The following TPX2 variants were observed in gnomAD, a reference collection of about 807,000 sequenced individuals.
TPX2 encodes the protein TPX2 microtubule nucleation factor, also known as targeting protein for Xklp2.
In TPX2, 21 loss-of-function variants were observed where a neutral mutation model predicts 93.6. That is an observed-to-expected ratio of 0.22 (90% CI 0.16 to 0.32). The LOEUF is 0.32. Among genes scored for constraint, TPX2 ranks in the 10% least tolerant of loss-of-function variants. TPX2 has a pLI of 1.00. For missense variants in TPX2, 776 were observed against 871.1 expected, an observed-to-expected ratio of 0.89 and a Z score of 1.37; for synonymous variants, 281 against 298.3, an observed-to-expected ratio of 0.94 and a Z score of 0.60.
chr20:31,787,323 A>C (rs1262420645), intron 12 of TPX2, among the ~76,000 whole-genome samples: 2 of 151,062 alleles, frequency 1.3e-5, no homozygotes, highest in African/African-American at 4.9e-5. Context: ...GAGGTTTCTG[A>C]GTTTGACACT....
chr20:31,757,343 G>A lies in TPX2; in HGVS notation c.-70-64G>A, dbSNP rs45566037. On this transcript the variant is annotated intron_variant, in intron 2 of 17. Coordinates refer to ENST00000300403, the MANE Select transcript of TPX2 (RefSeq NM_012112.5). ...GGTGGTTTGCAAAATTACAAACGTG[G>A]TAGTAAAACCAAAGTAATGATGGGA... 7,604 of 686,930 alleles carry A rather than the reference G, an allele frequency of 0.011. 397 individuals are homozygous for A. The African/African-American group carries it at 0.12, about 11-fold the overall frequency. 42.6% of individuals were successfully genotyped at this position (686,930 alleles called of 1,614,324 possible). A position where few individuals can be genotyped will look rare whatever the true frequency, so the allele number is the denominator to read the frequency against.
At chr20:31,789,613 AAAAAAAAAC>A (rs951288405) in intron 12 of TPX2, among the ~76,000 whole-genome samples, 2 of 136,966 alleles carry the variant, frequency 1.5e-5, no homozygotes, top group African/African-American at 5.9e-5. Context: ...TAGCAAAAAC[AAAAAAAAAC>A]AAAAAAAAAC....
chr20:31,788,088 C>G (rs1373046975), intron 12 of TPX2, among the ~76,000 whole-genome samples: 3 of 152,108 alleles, frequency 2.0e-5, no homozygotes, highest in Non-Finnish European at 1.5e-5. Context: ...GGGATTATAG[C>G]TTGCCTATGG....
In TPX2 at chr20:31,786,579, T is replaced by C. The variant is rs186300293; in HGVS notation, c.1413+2658T>C. On this transcript the variant is annotated intron_variant, in intron 12 of 17. Coordinates refer to ENST00000300403, the MANE Select transcript of TPX2 (RefSeq NM_012112.5). ...CCACCATGCCCAGCTAAGTTTTGTA[T>C]TTTTAGTAATGACTGGGTTTCGCCA... is the stretch of plus-strand genomic sequence containing the variant. 6.3e-3 allele frequency among the ~76,000 whole-genome samples: 953 copies of C among 152,272 alleles called. 5 individuals are homozygous for C. The highest frequency in any genetic ancestry group is 0.011 in the Non-Finnish European group (722 of 68,020).
intron 5 of TPX2, 79 bp from the exon 6 acceptor site, chr20:31,770,264 C>A: frequency 9.6e-7 from 1 of 1,038,540 alleles, no homozygotes; most frequent in Non-Finnish European, 1.3e-6. Flanking sequence ...AGTTTGACAT[C>A]CTTTCACATT....
chr20:31,789,444 G>A (rs2062086996), intron 12 of TPX2, among the ~76,000 whole-genome samples: 1 of 152,080 alleles, frequency 6.6e-6, no homozygotes, highest in Non-Finnish European at 1.5e-5. Flanking sequence ...GTCTGGTAGA[G>A]CATATAGATG....
intron 12 of TPX2, among the ~76,000 whole-genome samples, chr20:31,785,544 C>T (rs2062060469): frequency 6.6e-6 from 1 of 150,952 alleles, no homozygotes; most frequent in South Asian, 2.1e-4. Context: ...GTTGCCCAGG[C>T]TGGAGTGCAA....
chr20:31,779,683 G>A (rs1038278929), intron 10 of TPX2, among the ~76,000 whole-genome samples: 5 of 152,150 alleles, frequency 3.3e-5, no homozygotes, highest in Admixed American at 2.0e-4. Flanking sequence ...GAGAAGTCTC[G>A]TCAGAGATAA....
chr20:31,788,383 A>G (rs1438096890), intron 12 of TPX2, among the ~76,000 whole-genome samples: 1 of 142,036 alleles, frequency 7.0e-6, no homozygotes, highest in Non-Finnish European at 1.5e-5. Flanking sequence ...GCACCACTGC[A>G]CTCCATCCTG....
chr20:31,746,051 A>G (rs900168641), intron 2 of TPX2, among the ~76,000 whole-genome samples: 8 of 152,252 alleles, frequency 5.3e-5, no homozygotes, highest in South Asian at 2.1e-4. Context: ...GTTTCTGGAC[A>G]GTGATGAATT....
chr20:31,788,893 C>T (rs1229243837), intron 12 of TPX2, among the ~76,000 whole-genome samples: 1 of 152,092 alleles, frequency 6.6e-6, no homozygotes, highest in African/African-American at 2.4e-5. Context: ...ATATATACTT[C>T]CCAAAATAAC....
chr20:31,800,294 G>T (rs760785548), intron 17 of TPX2, among the ~76,000 whole-genome samples: 12 of 151,912 alleles, frequency 7.9e-5, no homozygotes, highest in Non-Finnish European at 1.5e-4. Context: ...TTTTTTCCCG[G>T]CCTCAACTTT....
intron 15 of TPX2, 41 bp from the exon 16 acceptor site, chr20:31,797,363 A>T (rs1325118761): frequency 6.3e-7 from 1 of 1,583,582 alleles, no homozygotes; most frequent in Admixed American, 1.7e-5. Context: ...GGTCATAGAA[A>T]GGTGAGACAT....
At chr20:31,770,203 G>A (rs2061956385) in intron 5 of TPX2, 140 bp from the exon 6 acceptor site, 2 of 472,600 alleles carry the variant, frequency 4.2e-6, no homozygotes, top group Non-Finnish European at 6.7e-6. Context: ...CAACAAGAGA[G>A]ATTAGATTTT....
chr20:31,791,656 A>G (rs1444648789), intron 12 of TPX2, among the ~76,000 whole-genome samples: 2 of 152,212 alleles, frequency 1.3e-5, no homozygotes, highest in African/African-American at 2.4e-5. Context: ...CATGCAGACA[A>G]TGAATTGGAG....
chr20:31,797,967 C>G (rs990695382), intron 16 of TPX2, among the ~76,000 whole-genome samples: 1 of 152,064 alleles, frequency 6.6e-6, no homozygotes, highest in African/African-American at 2.4e-5. Context: ...GAGGCCCGGA[C>G]AGGAGGATCA....
rs995084914 is a variant in TPX2, at chr20:31,785,411, A to G, written c.1413+1490A>G. ...AGAAGGGCTCAACGTTTAGTTTTAC[A>G]TACAAGATAATGGAGCCCCAGATAA... On this transcript the variant is annotated intron_variant, in intron 12 of 17. Coordinates refer to ENST00000300403, the MANE Select transcript of TPX2 (RefSeq NM_012112.5). Among the ~76,000 whole-genome samples the G allele has an allele frequency of 1.5e-4, 23 of 152,344 alleles. 1 individual carries two copies. Among genetic ancestry groups the G allele is most frequent in the Admixed American group, 5.2e-4 (8 of 15,292 alleles).
chr20:31,758,744 G>T (rs1036335290), intron 3 of TPX2, among the ~76,000 whole-genome samples: 3 of 152,170 alleles, frequency 2.0e-5, no homozygotes, highest in Admixed American at 6.6e-5. Flanking sequence ...ATCCTGAGAG[G>T]AGTCGTCTGT....
At chr20:31,798,317 A>G (rs1371348977) in intron 16 of TPX2, 48 bp from the exon 17 acceptor site, 5 of 1,611,452 alleles carry the variant, frequency 3.1e-6, no homozygotes, top group East Asian at 2.2e-5. Context: ...GCGTAGGTTT[A>G]TGCAAGTCCT....
Sources: allele counts gnomAD v4.1 joint callset (sites outside exome capture counted in the v4.1 genomes callset), GRCh38; gene constraint gnomAD v4.1.1; transcripts MANE v1.5; gene names NCBI Gene and HGNC (gene_info 2026-07-23, HGNC 2026-07-21).